Variants in DOK5 observed in about 807,000 individuals in gnomAD.
DOK5 encodes downstream of tyrosine kinase 5.
In DOK5, 27 loss-of-function variants were observed where a neutral mutation model predicts 43.3. The ratio of observed to expected loss-of-function variants is 0.62; its 90% CI spans 0.46 to 0.86. The LOEUF (loss-of-function observed/expected upper bound fraction) is 0.86, where lower values mean the gene tolerates loss of function less well. DOK5 is among the 40% of genes least tolerant of loss of function. The pLI, the probability that DOK5 is intolerant of heterozygous loss-of-function variation, is 0.00. For synonymous variants in DOK5, 146 were observed against 140.1 expected, an observed-to-expected ratio of 1.04 and a Z score of -0.30; for missense variants, 373 against 392.9, an observed-to-expected ratio of 0.95 and a Z score of 0.43.
chr20:54,545,286 T>A, intron 1 of DOK5, among the ~76,000 whole-genome samples: 1 of 152,218 alleles, frequency 6.6e-6, no homozygotes, highest in South Asian at 2.1e-4. Flanking sequence ...CAAACTCCTA[T>A]CTCCTGGTTC....
intron 6 of DOK5, among the ~76,000 whole-genome samples, chr20:54,632,081 A>T (rs1372284449): frequency 6.6e-6 from 1 of 152,198 alleles, no homozygotes; most frequent in East Asian, 1.9e-4. Flanking sequence ...AGACCCAAAG[A>T]TAGAGCTGTC....
At chr20:54,496,763 C>T (rs1264490866) in intron 1 of DOK5, among the ~76,000 whole-genome samples, 1 of 89,820 alleles carries the variant, frequency 1.1e-5, no homozygotes, top group African/African-American at 6.3e-5. Context: ...AAGACTCCGT[C>T]TCAAAAAAAA....
intron 6 of DOK5, among the ~76,000 whole-genome samples, chr20:54,628,144 G>A (rs1348339317): frequency 4.6e-5 from 7 of 152,134 alleles, no homozygotes. Context: ...ATGTTCACAA[G>A]GTTGCGAGTG....
At chr20:54,553,756 G>A (rs1984614358) in intron 1 of DOK5, among the ~76,000 whole-genome samples, 1 of 151,220 alleles carries the variant, frequency 6.6e-6, no homozygotes, top group South Asian at 2.1e-4. Flanking sequence ...AATTAGCTGG[G>A]CCTAGTTGTG....
At chr20:54,508,575 T>C (rs966383572) in intron 1 of DOK5, among the ~76,000 whole-genome samples, 1 of 150,522 alleles carries the variant, frequency 6.6e-6, no homozygotes, top group Non-Finnish European at 1.5e-5. Flanking sequence ...TTAATTTTTA[T>C]ATTTATTTAT....
intron 1 of DOK5, among the ~76,000 whole-genome samples, chr20:54,499,490 G>T (rs1445345730): frequency 6.6e-6 from 1 of 152,162 alleles, no homozygotes; most frequent in African/African-American, 2.4e-5. Context: ...GGAAGTGTGG[G>T]TGAATCAGGC....
At chr20:54,579,041 G>A (rs57444692) in intron 2 of DOK5, among the ~76,000 whole-genome samples, 24,855 of 152,114 alleles carry the variant, frequency 0.16, 4,847 homozygotes, top group African/African-American at 0.47. Flanking sequence ...ATTATATGAA[G>A]AAAAGTCAAT....
intron 2 of DOK5, among the ~76,000 whole-genome samples, chr20:54,559,253 C>T (rs923566285): frequency 3.3e-5 from 5 of 152,110 alleles, no homozygotes; most frequent in African/African-American, 4.8e-5. Context: ...GACCATTGAC[C>T]GCTTTTGAGA....
chr20:54,586,803 T>C (rs1010857540), intron 2 of DOK5, among the ~76,000 whole-genome samples: 2 of 151,968 alleles, frequency 1.3e-5, no homozygotes, highest in Non-Finnish European at 2.9e-5. Flanking sequence ...AGAACCACAG[T>C]GTCTTCTGGG....
At chr20:54,606,951 G>A (rs1441632902) in intron 5 of DOK5, among the ~76,000 whole-genome samples, 2 of 152,172 alleles carry the variant, frequency 1.3e-5, no homozygotes. Context: ...GTGATTTCTT[G>A]GCCAGATCTG....
At chr20:54,489,439 C>T (rs1166028592) in intron 1 of DOK5, among the ~76,000 whole-genome samples, 2 of 151,834 alleles carry the variant, frequency 1.3e-5, no homozygotes, top group African/African-American at 2.4e-5. Flanking sequence ...TCTGTATGTG[C>T]GTTTGCATGC....
chr20:54,574,483 G>A (rs907582040), intron 2 of DOK5, among the ~76,000 whole-genome samples: 4 of 152,160 alleles, frequency 2.6e-5, no homozygotes, highest in Non-Finnish European at 5.9e-5. Context: ...GGATGAGGAT[G>A]TCTGTGTGTA....
rs573926593 is a variant in DOK5 at position 54,579,090 on chromosome 20, A to C, written c.175-9393A>C. On this transcript the variant is annotated intron_variant, in intron 2 of 7. Transcript: ENST00000262593. ...TATTAGATTAACAGTATCTTTCCTGACTTTTAGGCATTTGTCATTTATTTA... is the reference window on the plus strand; with the variant it reads ...TATTAGATTAACAGTATCTTTCCTGCCTTTTAGGCATTTGTCATTTATTTA... Among the ~76,000 whole-genome samples the C allele has an allele frequency of 3.3e-5, 5 of 152,266 alleles. No individual in the cohort carries two copies. The South Asian group carries it at 1.0e-3, about 32-fold the overall frequency.
chr20:54,551,452 A>G (rs919999631), intron 1 of DOK5, among the ~76,000 whole-genome samples: 1 of 152,162 alleles, frequency 6.6e-6, no homozygotes, highest in Non-Finnish European at 1.5e-5. Flanking sequence ...TGCCTTTGAT[A>G]ACAGGTCTAA....
At chr20:54,577,798 G>A (rs1454557793) in intron 2 of DOK5, among the ~76,000 whole-genome samples, 1 of 152,218 alleles carries the variant, frequency 6.6e-6, no homozygotes, top group African/African-American at 2.4e-5. Flanking sequence ...GGGCAATGTT[G>A]TTCTCATGGT....
intron 1 of DOK5, 151 bp from the exon 2 acceptor site, chr20:54,554,782 C>A (rs1025983224): frequency 8.6e-6 from 5 of 583,184 alleles, no homozygotes; most frequent in Non-Finnish European, 1.5e-5. Context: ...GTTGTGGAAA[C>A]AATTTTGATT....
intron 5 of DOK5, among the ~76,000 whole-genome samples, chr20:54,609,550 T>C (rs1326755086): frequency 6.6e-6 from 1 of 150,442 alleles, no homozygotes; most frequent in African/African-American, 2.5e-5. Context: ...CTAAAATATA[T>C]AGAGAGCATA....
intron 4 of DOK5, among the ~76,000 whole-genome samples, chr20:54,590,086 C>T (rs973059977): frequency 6.6e-6 from 1 of 152,126 alleles, no homozygotes; most frequent in African/African-American, 2.4e-5. Flanking sequence ...GTGCTCAGAT[C>T]AGCACTTTTC....
chr20:54,501,424 G>A (rs1249451091), intron 1 of DOK5, among the ~76,000 whole-genome samples: 16 of 143,762 alleles, frequency 1.1e-4, no homozygotes, highest in South Asian at 6.6e-4. Context: ...CCGAGATTGC[G>A]GCACTGCACT....
Sources: gnomAD v4.1 joint callset for allele counts (sites outside exome capture counted in the v4.1 genomes callset) on GRCh38, gnomAD v4.1.1 for gene constraint, MANE v1.5 for transcripts, NCBI Gene and HGNC (gene_info 2026-07-23, HGNC 2026-07-21) for gene names.